Variants in PDGFRA observed in about 807,000 individuals in gnomAD.
The protein encoded by PDGFRA is platelet-derived growth factor receptor alpha.
PDGFRA carries 25 observed loss-of-function variants against 121.5 expected under a neutral mutation model. The observed-to-expected ratio is 0.21, with a 90% CI of 0.15 to 0.29. The LOEUF (loss-of-function observed/expected upper bound fraction) is 0.29. Among genes scored for constraint, PDGFRA ranks in the 10% least tolerant of loss-of-function variants. The pLI is 1.00. For synonymous variants in PDGFRA, 463 were observed against 494.8 expected (o/e 0.94, Z 0.85); for missense variants, 1,008 against 1,345.1 (o/e 0.75, Z 3.92).
intron 15 of PDGFRA, 95 bp downstream of exon 15, chr4:54,278,610 CAGTGCCCAAGGTAGCAAGACTT>C: frequency 7.9e-7 from 1 of 1,261,184 alleles, no homozygotes; most frequent in Non-Finnish European, 1.2e-6. Flanking sequence ...TCTGCAGATT[CAGTGCCCAAGGTAGCAAGACTT>C]AGAGTCAAAC....
At position 54,258,814 on chromosome 4, in the gene PDGFRA, A is replaced by T. The variant is rs587778596; in HGVS notation, c.46A>T (p.Thr16Ser). Residue 16 changes from threonine to serine, a missense_variant, in exon 2 of 23, where the codon ACA becomes TCA. Thr to Ser is a moderately conservative substitution (Grantham distance 58). Around this residue, in one of 5 missense-constraint regions of PDGFRA, gnomAD observed 575 missense variants for 701.8 expected, o/e 0.82. Coordinates refer to ENST00000257290, the MANE Select transcript of PDGFRA (RefSeq NM_006206.6). ...PAFLVLGCLL[T>S]GLSLILCQLS... ...GTTCCTGGTCTTAGGCTGTCTTCTC[A>T]CAGGTACGGAGCCCAGTCCTCTCTG... The T allele has an allele frequency of 8.7e-6, 14 of 1,613,200 alleles. No individual in the cohort carries two copies. Among genetic ancestry groups the T allele is most frequent in the African/African-American group, 1.3e-5 (1 of 74,872 alleles).
At chr4:54,248,399 A>G (rs538968239) in intron 1 of PDGFRA, among the ~76,000 whole-genome samples, 1 of 152,242 alleles carries the variant, frequency 6.6e-6, no homozygotes, top group Non-Finnish European at 1.5e-5. Flanking sequence ...CAGAACCCTC[A>G]GAAATAACGC....
intron 2 of PDGFRA, 142 bp from the exon 3 acceptor site, chr4:54,260,952 GC>G (rs1340089870): frequency 1.9e-5 from 13 of 691,680 alleles, no homozygotes; most frequent in Non-Finnish European, 3.0e-5. Flanking sequence ...TAATGGGGGA[GC>G]TTTCATGGGC....
intron 7 of PDGFRA, among the ~76,000 whole-genome samples, chr4:54,269,821 T>G (rs1413648823): frequency 1.3e-5 from 2 of 151,680 alleles, no homozygotes; most frequent in African/African-American, 4.9e-5. Flanking sequence ...TTTTTTTTTT[T>G]TGTATTTTTA....
At position 54,291,682 on chromosome 4, in the gene PDGFRA, A is replaced by G. The variant is rs1724640142; in HGVS notation, c.3122+1128A>G. 3.9e-5 allele frequency among the ~76,000 whole-genome samples: 6 copies of G among 152,174 alleles called. No individual in the cohort carries two copies. In the South Asian group the frequency reaches 1.2e-3, roughly 32 times the overall value. On this transcript the variant is annotated intron_variant, in intron 22 of 22. Coordinates refer to ENST00000257290, the MANE Select transcript of PDGFRA (RefSeq NM_006206.6). ...GGGAAGCGTATACACTGCTTGTTGAAGTGCAAATTAGTTCAGCTATTGTGG... is the reference window on the plus strand; with the variant it reads ...GGGAAGCGTATACACTGCTTGTTGAGGTGCAAATTAGTTCAGCTATTGTGG...
intron 16 of PDGFRA, 69 bp downstream of exon 16, chr4:54,280,551 T>C (rs769090009): frequency 1.1e-5 from 15 of 1,305,510 alleles, no homozygotes; most frequent in African/African-American, 2.9e-5. Context: ...TTAAAGTATT[T>C]AGAGGGAAGT....
At chr4:54,273,770 C>T (rs199763264) in intron 10 of PDGFRA, 40 bp downstream of exon 10, 15 of 1,536,246 alleles carry the variant, frequency 9.8e-6, no homozygotes, top group African/African-American at 2.7e-5. Flanking sequence ...TCAGCTGAGC[C>T]GCATCTGCCC....
At chr4:54,274,438 G>C (rs2110295379) in intron 10 of PDGFRA, 93 bp from the exon 11 acceptor site, 1 of 904,054 alleles carries the variant, frequency 1.1e-6, no homozygotes, top group South Asian at 1.3e-5. Context: ...AGCAGTGAGA[G>C]ATTCCTGGCT....
chr4:54,287,573 T>C (rs757190116), intron 19 of PDGFRA, 32 bp downstream of exon 19: 5 of 879,798 alleles, frequency 5.7e-6, no homozygotes, highest in Non-Finnish European at 9.8e-6. Context: ...TTATTTGGGC[T>C]GTTCTGAAAC....
chr4:54,258,950 C>T (rs938857563), intron 2 of PDGFRA, 133 bp downstream of exon 2: 14 of 779,642 alleles, frequency 1.8e-5, no homozygotes, highest in East Asian at 4.9e-5. Context: ...AACTATAGGA[C>T]GTTATCCAGA....
At chr4:54,278,274 T>A (rs1723861784) in intron 14 of PDGFRA, 88 bp from the exon 15 acceptor site, 1 of 971,456 alleles carries the variant, frequency 1.0e-6, no homozygotes, top group Non-Finnish European at 1.6e-6. Flanking sequence ...ATCTTATTTT[T>A]TTCTGTGCCA....
Position 54,261,243 on chromosome 4 carries a change from C to T in PDGFRA, c.198C>T (p.Ser66=). 1 of 1,614,110 alleles carries T rather than the reference C, an allele frequency of 6.2e-7. No individual in the cohort carries two copies. Among genetic ancestry groups the T allele is most frequent in the South Asian group, 1.1e-5 (1 of 91,078 alleles). The change falls in exon 3 of 23, where the codon AGC becomes AGT. Residue 66 remains serine (S), a synonymous_variant. Transcript: ENST00000257290. ...SWQYPMSEEE[S]SDVEIRNEEN... ...AGTACCCCATGTCTGAAGAAGAGAGCTCCGATGTGGAAATCAGAAATGAAG... is the reference window on the plus strand; with the variant it reads ...AGTACCCCATGTCTGAAGAAGAGAGTTCCGATGTGGAAATCAGAAATGAAG...
chr4:54,260,124 TCTTGGGTTTTA>T (rs1344742268), intron 2 of PDGFRA, among the ~76,000 whole-genome samples: 2 of 152,168 alleles, frequency 1.3e-5, no homozygotes, highest in Non-Finnish European at 2.9e-5. Context: ...GAGTTTTCAC[TCTTGGGTTTTA>T]CTTACCAATT....
Position 54,298,233 on chromosome 4 carries a change from T to G in PDGFRA, c.*2961T>G, listed in dbSNP as rs1295582685. 1 of 189,976 alleles carries G rather than the reference T, an allele frequency of 5.3e-6. No homozygotes were observed. Among genetic ancestry groups the G allele is most frequent in the African/African-American group, 2.3e-5 (1 of 42,926 alleles). The allele number at this position is 189,976 out of a possible 1,614,324, so 11.8% of individuals were successfully genotyped here. A position where few individuals can be genotyped will look rare whatever the true frequency, so the allele number is the denominator to read the frequency against. On this transcript the variant is annotated 3_prime_UTR_variant, in exon 23 of 23. Transcript: ENST00000257290. ...TCTTTATATTTCAATAAATGATATA[T>G]AATTTAAAGTTATACTAAGGTTTCA...
At chr4:54,241,628 C>T (rs1721304878) in intron 1 of PDGFRA, among the ~76,000 whole-genome samples, 1 of 151,996 alleles carries the variant, frequency 6.6e-6, no homozygotes, top group Non-Finnish European at 1.5e-5. Context: ...TGGTTCACTG[C>T]AGCCTCCGCA....
intron 9 of PDGFRA, 140 bp from the exon 10 acceptor site, chr4:54,273,397 A>G: frequency 5.7e-6 from 4 of 704,900 alleles, no homozygotes; most frequent in South Asian, 4.6e-5. Context: ...GTTCATCTGC[A>G]TGTAAAATAA....
chr4:54,257,448 C>G (rs1278955703), intron 1 of PDGFRA, among the ~76,000 whole-genome samples: 1 of 152,114 alleles, frequency 6.6e-6, no homozygotes, highest in African/African-American at 2.4e-5. Flanking sequence ...TGGGTAAAGC[C>G]AAGAACCCAT....
chr4:54,252,627 T>A (rs1035685086), intron 1 of PDGFRA, among the ~76,000 whole-genome samples: 38 of 152,306 alleles, frequency 2.5e-4, no homozygotes, highest in African/African-American at 8.9e-4. Context: ...ACAGTTAGAA[T>A]TAACTTAGGA....
At chr4:54,287,844 C>A (rs1303321130) in intron 19 of PDGFRA, among the ~76,000 whole-genome samples, 1 of 152,192 alleles carries the variant, frequency 6.6e-6, no homozygotes, top group Non-Finnish European at 1.5e-5. Context: ...CGCATCCCAG[C>A]TGCTTTTTCA....
Sources: gnomAD v4.1 joint callset for allele counts (sites outside exome capture counted in the v4.1 genomes callset) on GRCh38, gnomAD v4.1.1 for gene constraint, gnomAD v4.1.1 regional missense constraint, MANE v1.5 for transcripts, NCBI Gene and HGNC (gene_info 2026-07-23, HGNC 2026-07-21) for gene names.